The following DNA2 variants were observed in gnomAD, a reference collection of about 807,000 sequenced individuals.
DNA2 encodes DNA replication helicase/nuclease 2.
In DNA2, 101 loss-of-function variants were observed where a neutral mutation model predicts 119.1. The observed-to-expected ratio is 0.85, with a 90% CI of 0.72 to 1.00. The LOEUF is 1.00. Among genes scored for constraint, DNA2 ranks in the 50% least tolerant of loss-of-function variants. The pLI is 0.00. For missense variants in DNA2, 1,121 were observed against 1,255.5 expected, an observed-to-expected ratio of 0.89 and a Z score of 1.62; for synonymous variants, 366 against 424.4, an observed-to-expected ratio of 0.86 and a Z score of 1.69.
chr10:68,424,272 G>A (rs1272737904), intron 14 of DNA2, among the ~76,000 whole-genome samples: 1 of 152,174 alleles, frequency 6.6e-6, no homozygotes, highest in Non-Finnish European at 1.5e-5. Context: ...GGGAGGCCAA[G>A]GTGGGCAGAT....
At chr10:68,435,702 A>G (rs1429844391) in intron 10 of DNA2, among the ~76,000 whole-genome samples, 1 of 151,196 alleles carries the variant, frequency 6.6e-6, no homozygotes, top group East Asian at 2.0e-4. Context: ...GATCCGCCCA[A>G]CTCGGCCTCC....
At chr10:68,429,246 T>C (rs1228014685) in intron 14 of DNA2, among the ~76,000 whole-genome samples, 1 of 117,788 alleles carries the variant, frequency 8.5e-6, no homozygotes, top group Non-Finnish European at 1.9e-5. Flanking sequence ...AAGGTTCAAT[T>C]AAAAAAAAAA....
At position 68,432,422 on chromosome 10, in the gene DNA2, A is replaced by G. The variant is rs1444792455; in HGVS notation, c.1735T>C (p.Ser579Pro). The G allele has an allele frequency of 6.3e-7, 1 of 1,599,426 alleles. No homozygotes were observed. ...CDIDTPLGNLSKLMENTFVSK... is the reference protein window; with the variant it reads ...CDIDTPLGNLPKLMENTFVSK... Reference sequence around the variant, plus strand: ...ACAAACGTGTTTTCCATCAATTTGGAAAGATTTCCTAATGGGGTATCTATA... The same window carrying G: ...ACAAACGTGTTTTCCATCAATTTGGGAAGATTTCCTAATGGGGTATCTATA... The change falls in exon 11 of 21, where the codon TCC (serine) becomes CCC (proline). Residue 579 changes from serine (S) to proline (P), a missense_variant. Coordinates refer to ENST00000358410, the MANE Select transcript of DNA2 (RefSeq NM_001080449.3).
intron 3 of DNA2, among the ~76,000 whole-genome samples, chr10:68,467,472 T>C (rs141752254): frequency 6.6e-6 from 1 of 151,980 alleles, no homozygotes; most frequent in East Asian, 1.9e-4. Flanking sequence ...TCAAGAAAAA[T>C]AAATAAAAAG....
chr10:68,467,269 C>T (rs1218542104), intron 3 of DNA2, among the ~76,000 whole-genome samples: 1 of 152,110 alleles, frequency 6.6e-6, no homozygotes, highest in East Asian at 1.9e-4. Flanking sequence ...CACCACAACG[C>T]CCGGCTAATT....
At position 68,444,956 on chromosome 10, in the gene DNA2, A is replaced by G; in HGVS notation, c.1185T>C (p.Tyr395=). 2 of 1,613,712 alleles carry G rather than the reference A, an allele frequency of 1.2e-6. No individual in the cohort carries two copies. The highest frequency in any genetic ancestry group is 2.2e-5 in the East Asian group (1 of 44,866). Residue 395 remains tyrosine, a synonymous_variant, in exon 8 of 21, where the codon TAT becomes TAC. Transcript: ENST00000358410. The part of the protein sequence containing the change: ...QIIEEEKTCK[Y]CSQIGNCALY... ...GAGCACAATTGCCAATTTGTGAACA[A>G]TATTTACAAGTTTTCTCTTCCTCAA...
chr10:68,465,896 A>C, intron 3 of DNA2, 84 bp from the exon 4 acceptor site: 1 of 1,205,870 alleles, frequency 8.3e-7, no homozygotes, highest in Middle Eastern at 2.1e-4. Flanking sequence ...TTAAACCACC[A>C]TAGCCAAAAT....
chr10:68,429,644 G>A (rs529903653), intron 14 of DNA2, among the ~76,000 whole-genome samples: 3 of 123,380 alleles, frequency 2.4e-5, no homozygotes, highest in South Asian at 2.7e-4. Context: ...CCCAGGAGGC[G>A]AAGCTTGCAG....
rs187099984 is a variant in DNA2 at position 68,456,711 on chromosome 10, C to T, written c.719+2393G>A. Among the ~76,000 whole-genome samples the T allele has an allele frequency of 4.0e-5, 6 of 151,544 alleles. No individual in the cohort carries two copies. The East Asian group carries it at 1.2e-3, about 29-fold the overall frequency. On this transcript the variant is annotated intron_variant, in intron 5 of 20. Coordinates refer to ENST00000358410, the MANE Select transcript of DNA2 (RefSeq NM_001080449.3). ...ACAGGCATGAGCCACCATGCCCGGA[C>T]CCCCTTAAAGCAAATTTTTTAGATC...
chr10:68,464,876 CCATGGTGG>C (rs1299795672), intron 4 of DNA2, among the ~76,000 whole-genome samples: 172 of 149,128 alleles, frequency 1.2e-3, no homozygotes, highest in African/African-American at 4.1e-3. Flanking sequence ...GGCAGGCCAG[CCATGGTGG>C]CATGTACCTG....
At chr10:68,428,401 AAC>A (rs565049411) in intron 14 of DNA2, among the ~76,000 whole-genome samples, 102 of 151,582 alleles carry the variant, frequency 6.7e-4, no homozygotes, top group African/African-American at 2.2e-3. Flanking sequence ...TGCTTAGAAA[AAC>A]AGTTTGGCAG....
chr10:68,450,011 C>CT lies in DNA2; in HGVS notation c.939+16dup. On this transcript the variant is annotated intron_variant, in intron 6 of 20. Coordinates refer to ENST00000358410, the MANE Select transcript of DNA2 (RefSeq NM_001080449.3). ...AAAAAAGTATAAAACAGACAATTTT[C>CT]TTATTAACATTTATACCTGACTACG... 1 of 1,336,788 alleles carries CT rather than the reference C, an allele frequency of 7.5e-7. No homozygotes were observed. The highest frequency in any genetic ancestry group is 1.5e-5 in the African/African-American group (1 of 66,688). 82.8% of individuals were successfully genotyped at this position (1,336,788 alleles called of 1,614,324 possible). A position where few individuals can be genotyped will look rare whatever the true frequency, so the allele number is the denominator to read the frequency against.
intron 6 of DNA2, 107 bp from the exon 7 acceptor site, chr10:68,446,520 A>T: frequency 1.4e-6 from 1 of 709,992 alleles, no homozygotes; most frequent in Non-Finnish European, 2.3e-6. Context: ...CAATAAAGTT[A>T]TTTCTATTTA....
chr10:68,446,574 T>C (rs1290557298), intron 6 of DNA2, among the ~76,000 whole-genome samples, 161 bp from the exon 7 acceptor site: 1 of 152,140 alleles, frequency 6.6e-6, no homozygotes, highest in African/African-American at 2.4e-5. Context: ...ACAACAAATT[T>C]GATGTCAAAC....
chr10:68,439,580 G>A (rs1010153622), intron 9 of DNA2, among the ~76,000 whole-genome samples: 12 of 151,622 alleles, frequency 7.9e-5, no homozygotes, highest in Admixed American at 7.2e-4. Context: ...GCTCACACCT[G>A]TAATCCCAGC....
chr10:68,466,230 G>T (rs1179683084), intron 3 of DNA2, among the ~76,000 whole-genome samples: 1 of 152,002 alleles, frequency 6.6e-6, no homozygotes, highest in Non-Finnish European at 1.5e-5. Context: ...GTTTCACCAT[G>T]TTGGCCAGGC....
At chr10:68,433,566 G>A (rs1033139979) in intron 10 of DNA2, among the ~76,000 whole-genome samples, 1 of 152,002 alleles carries the variant, frequency 6.6e-6, no homozygotes, top group Non-Finnish European at 1.5e-5. Flanking sequence ...GCCTTGTTCT[G>A]TTGCCTAGGC....
intron 4 of DNA2, among the ~76,000 whole-genome samples, chr10:68,463,374 G>T (rs2052284186): frequency 6.7e-6 from 1 of 149,234 alleles, no homozygotes; most frequent in African/African-American, 2.5e-5. Context: ...AACCCAGGAG[G>T]CGGAGCTTGC....
intron 8 of DNA2, among the ~76,000 whole-genome samples, chr10:68,444,552 T>A (rs566323361): frequency 6.6e-6 from 1 of 151,590 alleles, no homozygotes; most frequent in East Asian, 1.9e-4. Context: ...CGGTGAAACC[T>A]CTTCTCTACT....
Sources: gnomAD v4.1 joint callset for allele counts (sites outside exome capture counted in the v4.1 genomes callset) on GRCh38, gnomAD v4.1.1 for gene constraint, MANE v1.5 for transcripts, NCBI Gene and HGNC (gene_info 2026-07-23, HGNC 2026-07-21) for gene names.